Variants in MARCHF1 observed in about 807,000 individuals in gnomAD.
The protein encoded by MARCHF1 is E3 ubiquitin-protein ligase MARCHF1.
In MARCHF1, 40 loss-of-function variants were observed where a neutral mutation model predicts 54.2. The ratio of observed to expected loss-of-function variants is 0.74; its 90% CI spans 0.57 to 0.96. The LOEUF (loss-of-function observed/expected upper bound fraction) is 0.96. Ranked by LOEUF, MARCHF1 falls within the 40% of genes least tolerant of loss-of-function variation. The pLI is 0.00. For missense variants in MARCHF1, 586 were observed against 656.5 expected (o/e 0.89, Z 1.17); for synonymous variants, 236 against 236.3 (o/e 1.00, Z 0.01).
Position 163,876,515 on chromosome 4 carries a change from T to C in MARCHF1, c.-38-22346A>G, listed in dbSNP as rs186616539. On this transcript the variant is annotated intron_variant, in intron 3 of 9. Transcript: ENST00000514618. ...GGATTATTAAAACAACTGCCTGTTT[T>C]CCCTATAAAGTATGTAGAATGTGAC... is the stretch of plus-strand genomic sequence containing the variant. Among the ~76,000 whole-genome samples the C allele has an allele frequency of 7.9e-5, 12 of 152,238 alleles. No homozygotes were observed. In the East Asian group the frequency reaches 1.3e-3, roughly 17 times the overall value.
intron 1 of MARCHF1, among the ~76,000 whole-genome samples, chr4:164,357,756 A>G (rs922569251): frequency 4.6e-5 from 7 of 152,188 alleles, no homozygotes; most frequent in Non-Finnish European, 8.8e-5. Flanking sequence ...TGAAGTGTCA[A>G]TTGATAACAA....
At chr4:163,854,966 G>T (rs904421840) in intron 3 of MARCHF1, among the ~76,000 whole-genome samples, 1 of 152,004 alleles carries the variant, frequency 6.6e-6, no homozygotes, top group Non-Finnish European at 1.5e-5. Flanking sequence ...GTTTATTGCA[G>T]GTCTTTAGTT....
At chr4:163,968,894 A>G (rs571650842) in intron 3 of MARCHF1, among the ~76,000 whole-genome samples, 10 of 152,278 alleles carry the variant, frequency 6.6e-5, no homozygotes, top group African/African-American at 2.4e-4. Context: ...GACAAAGTGC[A>G]TTAATTAGGA....
chr4:163,962,968 AT>A (rs1752370340), intron 3 of MARCHF1, among the ~76,000 whole-genome samples: 1 of 151,916 alleles, frequency 6.6e-6, no homozygotes, highest in South Asian at 2.1e-4. Flanking sequence ...ATTCTAAAAA[AT>A]ATCCACATTT....
intron 1 of MARCHF1, among the ~76,000 whole-genome samples, chr4:164,285,434 AT>A (rs1734117848): frequency 6.6e-6 from 1 of 151,892 alleles, no homozygotes; most frequent in African/African-American, 2.4e-5. Context: ...AAAATGTTTA[AT>A]TTAATTAATT....
At chr4:164,216,812 C>G (rs943350941) in intron 1 of MARCHF1, among the ~76,000 whole-genome samples, 4 of 152,146 alleles carry the variant, frequency 2.6e-5, no homozygotes, top group Admixed American at 2.0e-4. Context: ...AGGGAAAATT[C>G]CTGACTTTAC....
At chr4:164,154,758 C>A (rs1257910742) in intron 1 of MARCHF1, among the ~76,000 whole-genome samples, 1 of 152,190 alleles carries the variant, frequency 6.6e-6, no homozygotes, top group Non-Finnish European at 1.5e-5. Flanking sequence ...AAGGGTTAAC[C>A]AGCTCAGTGG....
chr4:163,987,564 T>G (rs542771754), intron 3 of MARCHF1, among the ~76,000 whole-genome samples: 1 of 152,150 alleles, frequency 6.6e-6, no homozygotes, highest in African/African-American at 2.4e-5. Flanking sequence ...CAGCTATTCT[T>G]GAGGGAAAAA....
At chr4:163,862,204 A>C (rs1749953368) in intron 3 of MARCHF1, among the ~76,000 whole-genome samples, 1 of 152,124 alleles carries the variant, frequency 6.6e-6, no homozygotes, top group Non-Finnish European at 1.5e-5. Context: ...AAAAATGTTG[A>C]TAAGTTGGAA....
chr4:164,169,216 A>T (rs1316936831), intron 1 of MARCHF1, among the ~76,000 whole-genome samples: 1 of 152,142 alleles, frequency 6.6e-6, no homozygotes, highest in Admixed American at 6.5e-5. Flanking sequence ...TTTCTTTAAA[A>T]AATTAAAGTA....
intron 1 of MARCHF1, among the ~76,000 whole-genome samples, chr4:164,222,220 C>T (rs1181402786): frequency 3.3e-5 from 5 of 150,988 alleles, no homozygotes; most frequent in African/African-American, 1.2e-4. Flanking sequence ...CACCTGTCAA[C>T]ACCTTTTTTT....
chr4:164,188,559 T>A (rs1731038508), intron 1 of MARCHF1: 2 of 763,198 alleles, frequency 2.6e-6, no homozygotes, highest in Non-Finnish European at 4.9e-6. Flanking sequence ...AGCAAACGCA[T>A]CACGCGGTCC....
intron 2 of MARCHF1, among the ~76,000 whole-genome samples, chr4:164,048,276 A>G (rs1027543240): frequency 1.3e-5 from 2 of 152,132 alleles, no homozygotes; most frequent in Admixed American, 6.5e-5. Context: ...TTTAGAAAAC[A>G]AAGTGTAGCT....
At chr4:163,546,861 C>T (rs977911533) in intron 8 of MARCHF1, among the ~76,000 whole-genome samples, 8 of 152,162 alleles carry the variant, frequency 5.3e-5, no homozygotes, top group African/African-American at 1.7e-4. Flanking sequence ...AATAGCCTCT[C>T]AAAATATATT....
chr4:164,256,094 C>T (rs1733271884), intron 1 of MARCHF1, among the ~76,000 whole-genome samples: 3 of 151,558 alleles, frequency 2.0e-5, no homozygotes, highest in Admixed American at 2.0e-4. Flanking sequence ...AATTGGTGAC[C>T]AGCCTGGTCA....
At chr4:163,824,684 AC>A (rs1748795688) in intron 4 of MARCHF1, among the ~76,000 whole-genome samples, 1 of 85,556 alleles carries the variant, frequency 1.2e-5, no homozygotes, top group Non-Finnish European at 2.7e-5. Flanking sequence ...AAAAGAAACT[AC>A]CATCAGAGTG....
At chr4:164,012,037 G>A (rs1753431729) in intron 2 of MARCHF1, among the ~76,000 whole-genome samples, 1 of 152,168 alleles carries the variant, frequency 6.6e-6, no homozygotes, top group Non-Finnish European at 1.5e-5. Flanking sequence ...CCCTGGGCCA[G>A]AGGGAAATTT....
intron 8 of MARCHF1, among the ~76,000 whole-genome samples, chr4:163,557,042 G>A (rs1739316876): frequency 6.6e-6 from 1 of 152,104 alleles, no homozygotes. Context: ...TAAAGTCCTT[G>A]CTTTAAACTG....
chr4:163,902,901 C>T (rs1016182737), intron 3 of MARCHF1, among the ~76,000 whole-genome samples: 4 of 152,102 alleles, frequency 2.6e-5, no homozygotes, highest in African/African-American at 9.7e-5. Flanking sequence ...GCTCCATAGA[C>T]CATTGTCTTC....
Sources: allele counts gnomAD v4.1 joint callset (sites outside exome capture counted in the v4.1 genomes callset), GRCh38; gene constraint gnomAD v4.1.1; transcripts MANE v1.5; gene names NCBI Gene and HGNC (gene_info 2026-07-23, HGNC 2026-07-21).